The following ARHGAP5 variants were observed in gnomAD, a reference collection of about 807,000 sequenced individuals.
ARHGAP5 encodes Rho GTPase activating protein 5, also known as rho GTPase-activating protein 5.
In ARHGAP5, 23 loss-of-function variants were observed where a neutral mutation model predicts 116.6. The observed-to-expected ratio is 0.20, with a 90% CI of 0.14 to 0.28. The LOEUF (loss-of-function observed/expected upper bound fraction) is 0.28, where lower values mean the gene tolerates loss of function less well. ARHGAP5 is among the 10% of genes least tolerant of loss of function. The pLI, the probability that ARHGAP5 is intolerant of heterozygous loss-of-function variation, is 1.00. For missense variants in ARHGAP5, 1,405 were observed against 1,774.8 expected (o/e 0.79, Z 3.74); for synonymous variants, 574 against 602.0 (o/e 0.95, Z 0.68).
chr14:32,137,404 C>G (rs780496376), intron 3 of ARHGAP5, among the ~76,000 whole-genome samples: 21 of 151,576 alleles, frequency 1.4e-4, no homozygotes, highest in Admixed American at 1.3e-3. Flanking sequence ...TTTCTGTGCT[C>G]TCAGTTCTAT....
rs1316084711 is a variant in ARHGAP5 at position 32,156,606 on chromosome 14, A to G, written c.*1658A>G. 1 of 152,358 alleles carries G rather than the reference A, an allele frequency of 6.6e-6. No homozygotes were observed. The highest frequency in any genetic ancestry group is 1.5e-5 in the Non-Finnish European group (1 of 67,800). 9.4% of individuals were successfully genotyped at this position (152,358 alleles called of 1,614,324 possible). On this transcript the variant is annotated 3_prime_UTR_variant, in exon 7 of 7. Transcript: ENST00000345122. ...CTATTATTCCTATTGCAAAGCACAC[A>G]GGAATTAAGAAAGTACAGTAATTTT...
At chr14:32,147,578 A>G (rs1322286247) in intron 4 of ARHGAP5, among the ~76,000 whole-genome samples, 1 of 152,212 alleles carries the variant, frequency 6.6e-6, no homozygotes, top group African/African-American at 2.4e-5. Flanking sequence ...GAGAAATTCC[A>G]CTTCTAGGAA....
intron 2 of ARHGAP5, among the ~76,000 whole-genome samples, chr14:32,108,200 A>G (rs1037217406): frequency 3.9e-5 from 6 of 152,190 alleles, no homozygotes; most frequent in African/African-American, 7.2e-5. Context: ...AGTAGAGACA[A>G]TGGATGTAGA....
rs182392819 is a variant in ARHGAP5, at chr14:32,149,965, C to A, written c.4007C>A (p.Ala1336Asp). The A allele has an allele frequency of 7.9e-5, 127 of 1,607,190 alleles. No individual in the cohort carries two copies. The highest frequency in any genetic ancestry group is 1.0e-5 in the Non-Finnish European group (12 of 1,176,314). The change falls in exon 5 of 7, where the codon GCT (alanine) becomes GAT (aspartate). Residue 1336 changes from alanine to aspartate, a missense_variant. Coordinates refer to ENST00000345122, the MANE Select transcript of ARHGAP5 (RefSeq NM_001030055.2). ...AATGCTGTAGCTGGAGCCCTTAAAG[C>A]TTTCTTTGCAGATCTGCCAGATCCT... Reference protein sequence around the residue: ...TVNAVAGALKAFFADLPDPLI... With the variant: ...TVNAVAGALKDFFADLPDPLI...
rs889214585 is a variant in ARHGAP5 at position 32,157,649 on chromosome 14, T to G, written c.*2701T>G. 2 of 152,080 alleles carry G rather than the reference T, an allele frequency of 1.3e-5. No homozygotes were observed. Among genetic ancestry groups the G allele is most frequent in the East Asian group, 1.9e-4 (1 of 5,192 alleles). 9.4% of individuals were successfully genotyped at this position (152,080 alleles called of 1,614,324 possible). A position where few individuals can be genotyped will look rare whatever the true frequency, so the allele number is the denominator to read the frequency against. ...TTAGGATATACAACTAATTTAAGAATAAAATTCCAGGCACAATATATTTTT... is the reference window on the plus strand; with the variant it reads ...TTAGGATATACAACTAATTTAAGAAGAAAATTCCAGGCACAATATATTTTT... On this transcript the variant is annotated 3_prime_UTR_variant, in exon 7 of 7. Coordinates refer to ENST00000345122, the MANE Select transcript of ARHGAP5 (RefSeq NM_001030055.2).
intron 3 of ARHGAP5, among the ~76,000 whole-genome samples, chr14:32,127,362 G>C (rs1880217527): frequency 6.6e-6 from 1 of 152,070 alleles, no homozygotes; most frequent in Admixed American, 6.5e-5. Context: ...TGAGATTAGG[G>C]AGTGGTGATG....
At chr14:32,082,798 T>C (rs981466283) in intron 1 of ARHGAP5, among the ~76,000 whole-genome samples, 1 of 152,190 alleles carries the variant, frequency 6.6e-6, no homozygotes, top group African/African-American at 2.4e-5. Flanking sequence ...CCTCTGCCTC[T>C]CAAAGTGTTG....
chr14:32,090,470 T>C (rs1403035608), intron 1 of ARHGAP5, 32 bp from the exon 2 acceptor site: 2 of 509,464 alleles, frequency 3.9e-6, no homozygotes, highest in Non-Finnish European at 6.8e-6. Flanking sequence ...AATTTGTGAT[T>C]AAGATTTGTT....
chr14:32,137,922 A>G (rs1880895299), intron 3 of ARHGAP5, among the ~76,000 whole-genome samples: 1 of 151,518 alleles, frequency 6.6e-6, no homozygotes, highest in Non-Finnish European at 1.5e-5. Flanking sequence ...CAGTGAGCCA[A>G]GATCATGCCA....
chr14:32,133,699 G>T (rs889857733), intron 3 of ARHGAP5, among the ~76,000 whole-genome samples: 5 of 152,154 alleles, frequency 3.3e-5, no homozygotes, highest in African/African-American at 1.2e-4. Flanking sequence ...TGCCCATTCA[G>T]TATGATATTG....
intron 2 of ARHGAP5, among the ~76,000 whole-genome samples, chr14:32,116,048 G>A (rs1879558798): frequency 6.6e-6 from 1 of 151,928 alleles, no homozygotes; most frequent in Admixed American, 6.6e-5. Flanking sequence ...AGCACTTTGG[G>A]AGGCTGAGGC....
intron 6 of ARHGAP5, chr14:32,154,257 T>C (rs1319717990): frequency 5.3e-6 from 1 of 189,306 alleles, no homozygotes; most frequent in African/African-American, 2.4e-5. Flanking sequence ...TTCAAGCGAT[T>C]CTCCTGCCTC....
At chr14:32,120,711 A>C (rs1490912695) in intron 3 of ARHGAP5, among the ~76,000 whole-genome samples, 1 of 151,728 alleles carries the variant, frequency 6.6e-6, no homozygotes, top group Non-Finnish European at 1.5e-5. Context: ...TTTGCATTTG[A>C]AAAACAAGGA....
Position 32,093,216 on chromosome 14 carries a change from T to A in ARHGAP5, c.2547T>A (p.His849Gln). The A allele has an allele frequency of 6.2e-7, 1 of 1,614,008 alleles. No individual in the cohort carries two copies. Among genetic ancestry groups the A allele is most frequent in the Non-Finnish European group, 8.5e-7 (1 of 1,179,932 alleles). The change falls in exon 2 of 7, where the codon CAT becomes CAA. Residue 849 changes from histidine to glutamine, a missense_variant. Coordinates refer to ENST00000345122, the MANE Select transcript of ARHGAP5 (RefSeq NM_001030055.2). Reference sequence around the variant, plus strand: ...GAGTAAGAAAAGATGAACTAGTTCATGGGTATATATTAGTTTACTCTGCAA... The same window carrying A: ...GAGTAAGAAAAGATGAACTAGTTCAAGGGTATATATTAGTTTACTCTGCAA... The part of the protein sequence containing the change: ...SIGVRKDELV[H>Q]GYILVYSAKR...
At chr14:32,110,797 G>A (rs1319571589) in intron 2 of ARHGAP5, among the ~76,000 whole-genome samples, 1 of 152,172 alleles carries the variant, frequency 6.6e-6, no homozygotes, top group African/African-American at 2.4e-5. Context: ...TAAAAAGTAA[G>A]TAGATTCTGT....
chr14:32,143,202 A>AGTTGTTGTTGTTGTT (rs140378018), intron 3 of ARHGAP5, among the ~76,000 whole-genome samples: 19 of 145,438 alleles, frequency 1.3e-4, no homozygotes, highest in East Asian at 6.1e-4. Flanking sequence ...ACATTATTTT[A>AGTTGTTGTTGTTGTT]GTTGTTGTTG....
rs1881894234 is a variant in ARHGAP5, at chr14:32,156,374, G to C, written c.*1426G>C. 1 of 152,214 alleles carries C rather than the reference G, an allele frequency of 6.6e-6. No individual in the cohort carries two copies. The highest frequency in any genetic ancestry group is 1.5e-5 in the Non-Finnish European group (1 of 67,792). The allele number at this position is 152,214 out of a possible 1,614,324, so 9.4% of individuals were successfully genotyped here. On this transcript the variant is annotated 3_prime_UTR_variant, in exon 7 of 7. Transcript: ENST00000345122. ...TAAATAGATGATTTTCAGATTCAAG[G>C]CTCCTAAGAGTTTGATTTGCTCTGT...
intron 3 of ARHGAP5, among the ~76,000 whole-genome samples, chr14:32,143,998 G>A (rs1413674912): frequency 6.6e-6 from 1 of 152,138 alleles, no homozygotes; most frequent in Non-Finnish European, 1.5e-5. Context: ...GTTCCTTGAG[G>A]TGCATTATGC....
intron 1 of ARHGAP5, chr14:32,078,148 G>C (rs2041730911): frequency 7.0e-6 from 1 of 143,158 alleles, no homozygotes; most frequent in African/African-American, 2.6e-5. Context: ...CTAAAGAAAA[G>C]TATCGGGGTG....
Sources: gnomAD v4.1 joint callset for allele counts (sites outside exome capture counted in the v4.1 genomes callset) on GRCh38, gnomAD v4.1.1 for gene constraint, MANE v1.5 for transcripts, NCBI Gene and HGNC (gene_info 2026-07-23, HGNC 2026-07-21) for gene names.